The following CAMK2G variants were observed in gnomAD, a reference collection of about 807,000 sequenced individuals.
The protein encoded by CAMK2G is calcium/calmodulin-dependent protein kinase type II subunit gamma.
CAMK2G carries 23 observed loss-of-function variants against 88.7 expected under a neutral mutation model. The ratio of observed to expected loss-of-function variants is 0.26; its 90% CI spans 0.19 to 0.37. CAMK2G has a LOEUF of 0.37. Ranked by LOEUF, CAMK2G falls within the 10% of genes least tolerant of loss-of-function variation. CAMK2G has a pLI of 1.00. For synonymous variants in CAMK2G, 263 were observed against 294.8 expected (o/e 0.89, Z 1.11); for missense variants, 476 against 780.8 (o/e 0.61, Z 4.65).
rs1467748853 is a variant in CAMK2G at position 73,812,527 on chromosome 10, T to C, written c.*1991A>G. On this transcript the variant is annotated 3_prime_UTR_variant, in exon 23 of 23. Coordinates refer to ENST00000423381, the MANE Select transcript of CAMK2G (RefSeq NM_001367534.1). ...ACTGTTTAAAGGTTATTTTATTAAA[T>C]ATTTTCAGTTCAAGGTTTCATTGTA... 1 of 152,656 alleles carries C rather than the reference T, an allele frequency of 6.6e-6. No individual in the cohort carries two copies. The highest frequency in any genetic ancestry group is 1.5e-5 in the Non-Finnish European group (1 of 68,040). 9.5% of individuals were successfully genotyped at this position (152,656 alleles called of 1,614,324 possible).
At chr10:73,852,947 G>C in intron 4 of CAMK2G, 1 of 564,802 alleles carries the variant, frequency 1.8e-6, no homozygotes, top group East Asian at 3.0e-5. Flanking sequence ...ATCTGTGCAA[G>C]GCGTGCTGCT....
intron 12 of CAMK2G, among the ~76,000 whole-genome samples, chr10:73,840,955 G>A (rs923659369): frequency 6.6e-6 from 1 of 152,200 alleles, no homozygotes; most frequent in Admixed American, 6.5e-5. Context: ...TCCCATCTGC[G>A]AGAGGTGGAG....
chr10:73,859,436 G>T (rs977998444), intron 3 of CAMK2G, among the ~76,000 whole-genome samples: 1 of 152,174 alleles, frequency 6.6e-6, no homozygotes, highest in Non-Finnish European at 1.5e-5. Flanking sequence ...AATATTTTTA[G>T]ACCACTGAGT....
chr10:73,855,357 A>T (rs117515352), intron 3 of CAMK2G, among the ~76,000 whole-genome samples: 603 of 152,372 alleles, frequency 4.0e-3, no homozygotes, highest in Non-Finnish European at 6.3e-3. Context: ...CAGCTGTCCC[A>T]GAAGCTACAG....
chr10:73,835,994 C>T (rs190424902), intron 14 of CAMK2G, among the ~76,000 whole-genome samples: 137 of 152,206 alleles, frequency 9.0e-4, no homozygotes, highest in Admixed American at 7.8e-3. Flanking sequence ...GTCATTATGA[C>T]TGGCTAATTT....
intron 2 of CAMK2G, among the ~76,000 whole-genome samples, chr10:73,870,517 C>T (rs979431169): frequency 7.2e-5 from 11 of 152,332 alleles, no homozygotes; most frequent in Non-Finnish European, 1.5e-4. Flanking sequence ...TGATCCCTCT[C>T]CCTGACTCCT....
At chr10:73,816,111 G>C (rs1347086552) in intron 21 of CAMK2G, 14 of 985,356 alleles carry the variant, frequency 1.4e-5, no homozygotes, top group Non-Finnish European at 1.7e-5. Context: ...GCATAAAGTG[G>C]GAAGAGATAA....
intron 5 of CAMK2G, among the ~76,000 whole-genome samples, chr10:73,851,338 G>A (rs2094598668): frequency 1.3e-5 from 2 of 152,220 alleles, no homozygotes; most frequent in South Asian, 4.1e-4. Flanking sequence ...AGGCGCCTGA[G>A]AGCGTGGGTG....
At position 73,813,766 on chromosome 10, in the gene CAMK2G, G is replaced by C. The variant is rs1372968726; in HGVS notation, c.*752C>G. 6.5e-6 allele frequency: 1 copy of C among 152,710 alleles called. No individual in the cohort carries two copies. The highest frequency in any genetic ancestry group is 2.4e-5 in the African/African-American group (1 of 41,460). The allele number at this position is 152,710 out of a possible 1,614,324, so 9.5% of individuals were successfully genotyped here. On this transcript the variant is annotated 3_prime_UTR_variant, in exon 23 of 23. Coordinates refer to ENST00000423381, the MANE Select transcript of CAMK2G (RefSeq NM_001367534.1). ...TTGTGCATCCTATAGAAATGGATGA[G>C]TGAGTGCATGTCAGACTAACACGAG...
intron 10 of CAMK2G, among the ~76,000 whole-genome samples, chr10:73,845,271 C>T (rs547980840): frequency 6.6e-6 from 1 of 152,200 alleles, no homozygotes; most frequent in South Asian, 2.1e-4. Context: ...TTGCCAGACT[C>T]AGCAGGCACA....
intron 1 of CAMK2G, 55 bp from the exon 2 acceptor site, chr10:73,873,138 A>G: frequency 8.0e-7 from 1 of 1,254,102 alleles, no homozygotes; most frequent in Non-Finnish European, 1.2e-6. Context: ...AGTGACACAG[A>G]CACACTTCAA....
At chr10:73,858,892 G>A (rs1185981583) in intron 3 of CAMK2G, among the ~76,000 whole-genome samples, 1 of 152,022 alleles carries the variant, frequency 6.6e-6, no homozygotes, top group African/African-American at 2.4e-5. Context: ...ACCCTGACCC[G>A]TCCGTGGCCA....
chr10:73,857,678 G>C (rs947007345), intron 3 of CAMK2G, among the ~76,000 whole-genome samples: 1 of 152,192 alleles, frequency 6.6e-6, no homozygotes, highest in African/African-American at 2.4e-5. Flanking sequence ...AAGGAAGACA[G>C]AGTCTATTCA....
intron 2 of CAMK2G, among the ~76,000 whole-genome samples, chr10:73,869,801 T>G (rs181949108): frequency 1.3e-5 from 2 of 152,230 alleles, no homozygotes; most frequent in African/African-American, 4.8e-5. Context: ...TATAACAGAT[T>G]TCAAAACACT....
At chr10:73,835,083 C>T (rs2093033069) in intron 14 of CAMK2G, among the ~76,000 whole-genome samples, 1 of 152,140 alleles carries the variant, frequency 6.6e-6, no homozygotes, top group African/African-American at 2.4e-5. Flanking sequence ...CCAGCTACTC[C>T]CTCAAGCTCA....
In CAMK2G at chr10:73,823,987, C is replaced by T. The variant is rs201160994; in HGVS notation, c.1200+53G>A. On this transcript the variant is annotated intron_variant, in intron 17 of 22. Transcript: ENST00000423381. ...GCCTGTAGACCCCTGGGACCCAGCC[C>T]ACCTGTCTCCTGCTGACCTGGAAAG... The T allele has an allele frequency of 2.9e-4, 420 of 1,454,964 alleles. 2 individuals carry two copies. The highest frequency in any genetic ancestry group is 1.4e-3 in the Admixed American group (85 of 59,812). 90.1% of individuals were successfully genotyped at this position (1,454,964 alleles called of 1,614,324 possible).
At position 73,848,396 on chromosome 10, in the gene CAMK2G, G is replaced by A; in HGVS notation, c.601+130C>T. Reference sequence around the variant, plus strand: ...TGTGATGGGAACAGCCATCCCAGGGGCAAACACCATAATTTCACATACACC... The same window carrying A: ...TGTGATGGGAACAGCCATCCCAGGGACAAACACCATAATTTCACATACACC... On this transcript the variant is annotated intron_variant, in intron 8 of 22. Coordinates refer to ENST00000423381, the MANE Select transcript of CAMK2G (RefSeq NM_001367534.1). The surrounding 1 kb of genome is among the most constrained non-coding windows in gnomAD (Gnocchi z 4.5). 1.4e-6 allele frequency: 1 copy of A among 710,906 alleles called. No homozygotes were observed. Among genetic ancestry groups the A allele is most frequent in the South Asian group, 1.6e-5 (1 of 64,212 alleles). 44.0% of individuals were successfully genotyped at this position (710,906 alleles called of 1,614,324 possible).
At chr10:73,845,684 C>T (rs1258503900) in intron 10 of CAMK2G, among the ~76,000 whole-genome samples, 2 of 151,964 alleles carry the variant, frequency 1.3e-5, no homozygotes, top group Non-Finnish European at 2.9e-5. Flanking sequence ...AACTTGAAAC[C>T]TGGCCTCTCT....
At chr10:73,865,508 CT>C (rs2095553955) in intron 2 of CAMK2G, among the ~76,000 whole-genome samples, 1 of 152,244 alleles carries the variant, frequency 6.6e-6, no homozygotes, top group African/African-American at 2.4e-5. Context: ...GTCTCTTCCC[CT>C]GACACTTCCT....
Sources: gnomAD v4.1 joint callset for allele counts (sites outside exome capture counted in the v4.1 genomes callset) on GRCh38, gnomAD v4.1.1 for gene constraint, Gnocchi (gnomAD v3.1) non-coding constraint, MANE v1.5 for transcripts, NCBI Gene and HGNC (gene_info 2026-07-23, HGNC 2026-07-21) for gene names.